The following HERC5 variants were observed in gnomAD, a reference collection of about 807,000 sequenced individuals.
HERC5 encodes the protein E3 ISG15--protein ligase HERC5.
HERC5 carries 99 observed loss-of-function variants against 119.6 expected under a neutral mutation model. The observed-to-expected ratio is 0.83, with a 90% CI of 0.70 to 0.98. The LOEUF is 0.98. Among genes scored for constraint, HERC5 ranks in the 50% least tolerant of loss-of-function variants. The pLI is 0.00. For synonymous variants in HERC5, 478 were observed against 445.9 expected (o/e 1.07, Z -0.91); for missense variants, 1,267 against 1,241.3 (o/e 1.02, Z -0.31).
chr4:88,500,803 A>G (rs541855965), intron 19 of HERC5, 112 bp from the exon 20 acceptor site: 1 of 796,950 alleles, frequency 1.3e-6, no homozygotes. Flanking sequence ...TATGACAAAA[A>G]TGTACATTTT....
Position 88,493,213 on chromosome 4 carries a change from C to G in HERC5, c.2277+58C>G, listed in dbSNP as rs191267157. 509 of 1,498,300 alleles carry G rather than the reference C, an allele frequency of 3.4e-4. 1 individual carries two copies. The African/African-American group carries it at 5.3e-3, about 16-fold the overall frequency. The allele number at this position is 1,498,300 out of a possible 1,614,324, so 92.8% of individuals were successfully genotyped here. ...GCGACAGAAAAAGTACACCATATAC[C>G]ATAGAAAATTAGTTTGTCTAGACTA... On this transcript the variant is annotated intron_variant, in intron 17 of 22. Coordinates refer to ENST00000264350, the MANE Select transcript of HERC5 (RefSeq NM_016323.4).
At chr4:88,472,780 C>T (rs1740920102) in intron 11 of HERC5, among the ~76,000 whole-genome samples, 1 of 152,188 alleles carries the variant, frequency 6.6e-6, no homozygotes, top group Admixed American at 6.5e-5. Context: ...AGTTTTTCAA[C>T]TCAGGGCTTT....
rs555148137 is a variant in HERC5, at chr4:88,476,277, A to G, written c.1582+247A>G. The stretch of plus-strand genomic sequence containing the variant: ...TTTCCTTAGTTTCCAACTTTTCACT[A>G]TGAAAAATTTCACAGAGAAGTTGAA... On this transcript the variant is annotated intron_variant, in intron 12 of 22. Transcript: ENST00000264350. Among the ~76,000 whole-genome samples, 10 of 152,336 alleles carry G rather than the reference A, an allele frequency of 6.6e-5. No individual in the cohort carries two copies. The South Asian group carries it at 2.1e-3, about 32-fold the overall frequency.
chr4:88,494,254 A>T lies in HERC5; in HGVS notation c.2367A>T (p.Pro789=), dbSNP rs368642534. 37 of 1,613,196 alleles carry T rather than the reference A, an allele frequency of 2.3e-5. No individual in the cohort carries two copies. The highest frequency in any genetic ancestry group is 2.3e-5 in the Non-Finnish European group (27 of 1,179,518). The part of the protein sequence containing the change: ...FNCNVANLPF[P]LALFKKLLDQ... ...GCAATGTTGCCAACCTTCCTTTCCCACTGGCACTGTTTAAGAAACTTTTGG... is the reference window on the plus strand; with the variant it reads ...GCAATGTTGCCAACCTTCCTTTCCCTCTGGCACTGTTTAAGAAACTTTTGG... The change falls in exon 18 of 23, where the codon CCA becomes CCT. Residue 789 remains proline, a synonymous_variant. Transcript: ENST00000264350.
chr4:88,491,770 T>G (rs1263699701), intron 16 of HERC5, among the ~76,000 whole-genome samples: 1 of 152,064 alleles, frequency 6.6e-6, no homozygotes, highest in African/African-American at 2.4e-5. Context: ...GTTGGGATTT[T>G]TTTTTTCCTT....
At position 88,504,606 on chromosome 4, in the gene HERC5, T is replaced by C; in HGVS notation, c.2869+9T>C. The C allele has an allele frequency of 6.8e-7, 1 of 1,473,346 alleles. No homozygotes were observed. Among genetic ancestry groups the C allele is most frequent in the Non-Finnish European group, 9.2e-7 (1 of 1,089,910 alleles). 91.3% of individuals were successfully genotyped at this position (1,473,346 alleles called of 1,614,324 possible). ...AAAGAAAAAATTCCTTGGTAAGTAT[T>C]ATATCAAGGAATAGATCTGTAATCG... On this transcript the variant is annotated intron_variant, in intron 22 of 22. Transcript: ENST00000264350.
At chr4:88,465,260 G>A (rs1740620819) in intron 6 of HERC5, among the ~76,000 whole-genome samples, 2 of 152,150 alleles carry the variant, frequency 1.3e-5, no homozygotes, top group African/African-American at 4.8e-5. Context: ...TCTTGCCAGA[G>A]GGATGTTGGA....
intron 1 of HERC5, among the ~76,000 whole-genome samples, chr4:88,458,572 A>G (rs976906217): frequency 1.3e-5 from 2 of 152,076 alleles, no homozygotes; most frequent in African/African-American, 2.4e-5. Context: ...AGAAACCGTT[A>G]GTCTGCTGGA....
chr4:88,505,753 A>G lies in HERC5; in HGVS notation c.2950A>G (p.Asn984Asp). Residue 984 changes from asparagine to aspartate, a missense_variant, in exon 23 of 23, where the codon AAT (asparagine) becomes GAT (aspartate). Around this residue, in one of 3 missense-constraint regions of HERC5, gnomAD observed 473 missense variants for 445.7 expected, o/e 1.06. Transcript: ENST00000264350. Reference sequence around the variant, plus strand: ...AACATTTTGCTGTCCTGAAAGTTGGAATGAAAGAGACCCTATAAGAGCACT... The same window carrying G: ...AACATTTTGCTGTCCTGAAAGTTGGGATGAAAGAGACCCTATAAGAGCACT... ...KITFCCPESWNERDPIRALTC... is the reference protein window; with the variant it reads ...KITFCCPESWDERDPIRALTC... 1 of 1,607,074 alleles carries G rather than the reference A, an allele frequency of 6.2e-7. No individual in the cohort carries two copies. The highest frequency in any genetic ancestry group is 1.3e-5 in the African/African-American group (1 of 74,936).
intron 7 of HERC5, 52 bp from the exon 8 acceptor site, chr4:88,468,294 T>A (rs1011620755): frequency 1.6e-6 from 2 of 1,254,316 alleles, no homozygotes; most frequent in African/African-American, 1.5e-5. Context: ...TGAACATGCA[T>A]GTTTGTGCCA....
Position 88,486,168 on chromosome 4 carries a change from C to G in HERC5, c.1791C>G (p.Leu597=). Residue 597 remains leucine (L), a synonymous_variant, in exon 14 of 23, where the codon CTC becomes CTG. Transcript: ENST00000264350. ...LPESIFQVDE[L]LHRLNFFVEV... is the part of the protein sequence containing the mutation. ...AAAGTATTTTCCAAGTAGACGAACTCTTGCACCGTCTCAATTTTTTTGTAG... is the reference window on the plus strand; with the variant it reads ...AAAGTATTTTCCAAGTAGACGAACTGTTGCACCGTCTCAATTTTTTTGTAG... The G allele has an allele frequency of 6.2e-7, 1 of 1,612,556 alleles. No individual in the cohort carries two copies. Among genetic ancestry groups the G allele is most frequent in the South Asian group, 1.1e-5 (1 of 90,896 alleles).
In HERC5 at chr4:88,462,217, G is replaced by A; in HGVS notation, c.549G>A (p.Gln183=). The A allele has an allele frequency of 6.2e-7, 1 of 1,614,194 alleles. No homozygotes were observed. Among genetic ancestry groups the A allele is most frequent in the Non-Finnish European group, 8.5e-7 (1 of 1,180,014 alleles). ...AATTTCCCTCAACCACCACACCACA[G>A]ATTGTGGAGCACCTCGCAGGAGTAC... ...GRKFPSTTTP[Q]IVEHLAGVPL... is the part of the protein sequence containing the mutation. Residue 183 remains glutamine, a synonymous_variant, in exon 4 of 23, where the codon CAG becomes CAA. Transcript: ENST00000264350.
At chr4:88,468,670 A>G (rs1560601366) in intron 8 of HERC5, among the ~76,000 whole-genome samples, 1 of 152,214 alleles carries the variant, frequency 6.6e-6, no homozygotes, top group Admixed American at 6.5e-5. Flanking sequence ...TTTGGGGGCT[A>G]CTTGCCAATG....
At chr4:88,485,126 G>GTA (rs749105423) in intron 13 of HERC5, among the ~76,000 whole-genome samples, 19 of 152,040 alleles carry the variant, frequency 1.2e-4, no homozygotes, top group Non-Finnish European at 2.4e-4. Context: ...CTCTGGGAAG[G>GTA]TATATTCTAA....
intron 6 of HERC5, among the ~76,000 whole-genome samples, chr4:88,464,779 A>ATTT (rs1190243033): frequency 6.7e-6 from 1 of 150,232 alleles, no homozygotes; most frequent in African/African-American, 2.4e-5. Flanking sequence ...TTTATTTATT[A>ATTT]TTTTTTTTTG....
chr4:88,491,695 G>T (rs1266846361), intron 16 of HERC5, among the ~76,000 whole-genome samples: 1 of 152,130 alleles, frequency 6.6e-6, no homozygotes, highest in African/African-American at 2.4e-5. Flanking sequence ...GGGTTTGGAA[G>T]TTGGCGTATA....
intron 16 of HERC5, among the ~76,000 whole-genome samples, chr4:88,489,846 T>G (rs1259104335): frequency 6.6e-6 from 1 of 152,004 alleles, no homozygotes; most frequent in Non-Finnish European, 1.5e-5. Context: ...CTGTCTCTAC[T>G]AAAAATACAA....
At chr4:88,487,400 T>C (rs913329237) in intron 15 of HERC5, among the ~76,000 whole-genome samples, 2 of 152,168 alleles carry the variant, frequency 1.3e-5, no homozygotes, top group African/African-American at 2.4e-5. Context: ...GGGATGGAGC[T>C]TGGACAACTG....
At chr4:88,461,662 G>T (rs945623527) in intron 3 of HERC5, among the ~76,000 whole-genome samples, 3 of 152,078 alleles carry the variant, frequency 2.0e-5, no homozygotes, top group Non-Finnish European at 4.4e-5. Flanking sequence ...AAACTGACTC[G>T]TTCAAGAAAC....
Sources: gnomAD v4.1 joint callset for allele counts (sites outside exome capture counted in the v4.1 genomes callset) on GRCh38, gnomAD v4.1.1 for gene constraint, gnomAD v4.1.1 regional missense constraint, MANE v1.5 for transcripts, NCBI Gene and HGNC (gene_info 2026-07-23, HGNC 2026-07-21) for gene names.